The following SRGAP2B variants were observed in gnomAD, a reference collection of about 807,000 sequenced individuals.
SRGAP2B encodes SLIT-ROBO Rho GTPase-activating protein 2B.
In SRGAP2B, 9 loss-of-function variants were observed where a neutral mutation model predicts 22.2. The ratio of observed to expected loss-of-function variants is 0.41; its 90% CI spans 0.24 to 0.71. The LOEUF (loss-of-function observed/expected upper bound fraction) is 0.71, where lower values mean the gene tolerates loss of function less well. SRGAP2B is among the 30% of genes least tolerant of loss of function. SRGAP2B has a pLI of 0.35. For synonymous variants in SRGAP2B, 36 were observed against 87.4 expected (o/e 0.41, Z 3.28); for missense variants, 114 against 235.8 (o/e 0.48, Z 3.38).
chr1:144,924,963 A>G (rs1664552398), intron 4 of SRGAP2B, among the ~76,000 whole-genome samples: 1 of 148,700 alleles, frequency 6.7e-6, no homozygotes, highest in African/African-American at 2.6e-5. Flanking sequence ...GTTATTAAGT[A>G]TATATTTCTT....
At chr1:144,993,932 G>A (rs1216453570) in intron 3 of SRGAP2B, among the ~76,000 whole-genome samples, 1 of 150,804 alleles carries the variant, frequency 6.6e-6, no homozygotes, top group Non-Finnish European at 1.5e-5. Context: ...GCAACCCAAC[G>A]GAAATTTGTA....
rs1652454318 is a variant in SRGAP2B at position 145,075,896 on chromosome 1, T to C, written c.67+16939A>G. ...TGAGGTCAGGAGTTCAAGACCAGCC[T>C]GGCCAACACAGTGAAACCCCGTCTC... On this transcript the variant is annotated intron_variant, in intron 2 of 9. Transcript: ENST00000612199. Among the ~76,000 whole-genome samples, 2 of 149,392 alleles carry C rather than the reference T, an allele frequency of 1.3e-5. 1 individual carries two copies. Among genetic ancestry groups the C allele is most frequent in the Non-Finnish European group, 3.0e-5 (2 of 67,518 alleles).
At chr1:144,932,441 G>A (rs1426146769) in intron 4 of SRGAP2B, among the ~76,000 whole-genome samples, 1 of 151,116 alleles carries the variant, frequency 6.6e-6, no homozygotes, top group Non-Finnish European at 1.5e-5. Flanking sequence ...CATTCCTCCT[G>A]GCATTAGGGC....
intron 3 of SRGAP2B, among the ~76,000 whole-genome samples, chr1:144,972,699 A>G: frequency 6.7e-6 from 1 of 148,698 alleles, no homozygotes; most frequent in South Asian, 2.1e-4. Flanking sequence ...TCTTAAAGCA[A>G]TGTTTTACAA....
chr1:144,981,268 G>C (rs1553615095), intron 3 of SRGAP2B, among the ~76,000 whole-genome samples: 1 of 87,520 alleles, frequency 1.1e-5, no homozygotes, highest in African/African-American at 4.9e-5. Context: ...TGCTTCCTGT[G>C]TCTGCTACAG....
intron 4 of SRGAP2B, among the ~76,000 whole-genome samples, chr1:144,950,764 C>T (rs2101912898): frequency 6.6e-6 from 1 of 150,494 alleles, no homozygotes; most frequent in South Asian, 2.1e-4. Context: ...AATCCTAATA[C>T]AGTATGTAGA....
intron 3 of SRGAP2B, among the ~76,000 whole-genome samples, chr1:144,986,823 G>A (rs1669755723): frequency 6.7e-6 from 1 of 149,614 alleles, no homozygotes; most frequent in Non-Finnish European, 1.5e-5. Flanking sequence ...TAATCTTCTG[G>A]CCCCTATCTT....
chr1:144,975,936 C>T (rs1553614111), intron 3 of SRGAP2B, among the ~76,000 whole-genome samples: 2 of 139,258 alleles, frequency 1.4e-5, no homozygotes, highest in East Asian at 2.1e-4. Flanking sequence ...TGCAGTGGCA[C>T]GATCTCGGCT....
intron 3 of SRGAP2B, among the ~76,000 whole-genome samples, chr1:144,969,327 A>G: frequency 8.2e-6 from 1 of 122,292 alleles, no homozygotes; most frequent in Non-Finnish European, 1.6e-5. Context: ...CAGAGCCCTC[A>G]GAAATAATGC....
At chr1:144,998,543 A>G (rs1391702661) in intron 2 of SRGAP2B, among the ~76,000 whole-genome samples, 1 of 148,992 alleles carries the variant, frequency 6.7e-6, no homozygotes, top group Non-Finnish European at 1.5e-5. Flanking sequence ...CTCCCTCACA[A>G]CTGGCCAAAA....
intron 4 of SRGAP2B, among the ~76,000 whole-genome samples, chr1:144,925,694 CAGAGAGAGAGAGAAAG>C (rs1354353284): frequency 1.1e-4 from 6 of 56,502 alleles, no homozygotes; most frequent in African/African-American, 2.6e-4. Context: ...AGTGGGGGGG[CAGAGAGAGAGAGAAAG>C]AGAGAGAGAG....
intron 5 of SRGAP2B, among the ~76,000 whole-genome samples, chr1:144,913,889 G>C (rs1398968258): frequency 1.4e-5 from 2 of 147,888 alleles, no homozygotes; most frequent in African/African-American, 2.6e-5. Flanking sequence ...GCTGGAGAAG[G>C]GGCCCCTGAA....
Position 144,970,820 on chromosome 1 carries a change from G to T in SRGAP2B, c.261-15219C>A, listed in dbSNP as rs1275291387. Among the ~76,000 whole-genome samples the T allele has an allele frequency of 3.3e-5, 5 of 149,686 alleles. No homozygotes were observed. In the East Asian group the frequency reaches 9.7e-4, roughly 29 times the overall value. On this transcript the variant is annotated intron_variant, in intron 3 of 9. Coordinates refer to ENST00000612199, the Ensembl canonical transcript of SRGAP2B. Reference sequence around the variant, plus strand: ...TAAAAAATAAATAAATAAATAAATGGGATAAGCAGGGACAGCAGACCTGCC... The same window carrying T: ...TAAAAAATAAATAAATAAATAAATGTGATAAGCAGGGACAGCAGACCTGCC...
At chr1:144,980,818 A>C (rs1669273519) in intron 3 of SRGAP2B, among the ~76,000 whole-genome samples, 1 of 151,046 alleles carries the variant, frequency 6.6e-6, no homozygotes, top group Admixed American at 6.6e-5. Flanking sequence ...GCAGTGTAGG[A>C]ATTAGATATT....
At chr1:144,940,553 C>T (rs1252907047) in intron 4 of SRGAP2B, among the ~76,000 whole-genome samples, 1 of 143,848 alleles carries the variant, frequency 7.0e-6, no homozygotes, top group Non-Finnish European at 1.5e-5. Flanking sequence ...AATCCCAGCA[C>T]TTTGGGAGGC....
At chr1:144,925,810 G>GC (rs1664693389) in intron 4 of SRGAP2B, among the ~76,000 whole-genome samples, 1 of 136,576 alleles carries the variant, frequency 7.3e-6, no homozygotes, top group African/African-American at 2.8e-5. Context: ...GAGAAAGAAA[G>GC]AAAGGAATCT....
chr1:144,909,682 A>G (rs1371414824), intron 5 of SRGAP2B, among the ~76,000 whole-genome samples: 52 of 150,424 alleles, frequency 3.5e-4, no homozygotes, highest in Admixed American at 2.7e-3. Context: ...TCTGTTAGAG[A>G]GGGTCCATGG....
chr1:144,920,321 A>C (rs1664140330), intron 4 of SRGAP2B, among the ~76,000 whole-genome samples: 1 of 150,350 alleles, frequency 6.7e-6, no homozygotes, highest in African/African-American at 2.5e-5. Context: ...GCTAGAATGC[A>C]GTGGCCTGAT....
intron 2 of SRGAP2B, among the ~76,000 whole-genome samples, chr1:144,999,252 G>T (rs1553619169): frequency 6.7e-6 from 1 of 149,708 alleles, no homozygotes; most frequent in East Asian, 1.9e-4. Context: ...TACATGGAAA[G>T]AAGTCAAGCT....
Sources: gnomAD v4.1 joint callset for allele counts (sites outside exome capture counted in the v4.1 genomes callset) on GRCh38, gnomAD v4.1.1 for gene constraint, MANE v1.5 for transcripts, NCBI Gene and HGNC (gene_info 2026-07-23, HGNC 2026-07-21) for gene names.